The following SETD5 variants were observed in gnomAD, a reference collection of about 807,000 sequenced individuals.
SETD5 encodes histone-lysine N-methyltransferase SETD5.
SETD5 carries 44 observed loss-of-function variants against 153.3 expected under a neutral mutation model. The ratio of observed to expected loss-of-function variants is 0.29; its 90% confidence interval spans 0.23 to 0.37. The LOEUF is 0.37. Among genes scored for constraint, SETD5 ranks in the 10% least tolerant of loss-of-function variants. SETD5 has a pLI of 1.00. For missense variants in SETD5, 1,544 were observed against 1,768.0 expected (o/e 0.87, Z 2.27); for synonymous variants, 716 against 645.2 (o/e 1.11, Z -1.66).
intron 1 of SETD5, among the ~76,000 whole-genome samples, chr3:9,402,101 A>G (rs560917355): frequency 6.6e-6 from 1 of 152,352 alleles, no homozygotes; most frequent in East Asian, 1.9e-4. Context: ...TGGAGAGAAT[A>G]TAGTTTCCTT....
At chr3:9,412,253 T>C (rs1054416152) in intron 1 of SETD5, among the ~76,000 whole-genome samples, 8 of 151,996 alleles carry the variant, frequency 5.3e-5, no homozygotes, top group African/African-American at 1.9e-4. Context: ...TAGAGTGCTA[T>C]AAGGAATTCC....
chr3:9,414,874 A>G (rs1255699132), intron 1 of SETD5, among the ~76,000 whole-genome samples: 1 of 152,088 alleles, frequency 6.6e-6, no homozygotes, highest in South Asian at 2.1e-4. Context: ...GAAATACAGT[A>G]TTCAAAAACA....
At position 9,434,899 on chromosome 3, in the gene SETD5, T is replaced by A. The variant is rs2040373450; in HGVS notation, c.388+17T>A. ...ACATATCAGGTGAGCGGAAGATGGG[T>A]TAGGTCCACAATTTGACATAAAAAT... On this transcript the variant is annotated intron_variant, in intron 6 of 22. Coordinates refer to ENST00000402198, the MANE Select transcript of SETD5 (RefSeq NM_001080517.3). This position sits in a 1 kb window ranked among gnomAD's most constrained non-coding sequence, Gnocchi z 5.6. 1.9e-6 allele frequency: 3 copies of A among 1,610,770 alleles called. No individual in the cohort carries two copies. Among genetic ancestry groups the A allele is most frequent in the Non-Finnish European group, 2.5e-6 (3 of 1,178,582 alleles).
chr3:9,468,804 G>A (rs1481203838), intron 18 of SETD5, among the ~76,000 whole-genome samples: 1 of 152,018 alleles, frequency 6.6e-6, no homozygotes, highest in Non-Finnish European at 1.5e-5. Flanking sequence ...GTTTGTGTGT[G>A]TGTGTGTTGT....
At chr3:9,446,104 G>GGTGAAACC (rs2041957528) in intron 13 of SETD5, among the ~76,000 whole-genome samples, 1 of 150,506 alleles carries the variant, frequency 6.6e-6, no homozygotes, top group Non-Finnish European at 1.5e-5. Context: ...TCGCTAACAC[G>GGTGAAACC]GTGAAACCTT....
chr3:9,473,310 A>G lies in SETD5; in HGVS notation c.3270A>G (p.Ala1090=). 1 of 1,613,996 alleles carries G rather than the reference A, an allele frequency of 6.2e-7. No homozygotes were observed. The highest frequency in any genetic ancestry group is 8.5e-7 in the Non-Finnish European group (1 of 1,179,890). The change falls in exon 20 of 23, where the codon GCA becomes GCG. Residue 1090 remains alanine (A), a synonymous_variant. Coordinates refer to ENST00000402198, the MANE Select transcript of SETD5 (RefSeq NM_001080517.3). ...ENSAGGGGDS[A]QSKSKSAGAG... ...CTGCTGGTGGGGGAGGTGACTCTGCACAGAGCAAAAGCAAGTCTGCAGGAG... is the reference window on the plus strand; with the variant it reads ...CTGCTGGTGGGGGAGGTGACTCTGCGCAGAGCAAAAGCAAGTCTGCAGGAG...
At chr3:9,408,251 T>TA (rs1478721859) in intron 1 of SETD5, among the ~76,000 whole-genome samples, 1 of 152,242 alleles carries the variant, frequency 6.6e-6, no homozygotes, top group Non-Finnish European at 1.5e-5. Context: ...TGCTGCGATT[T>TA]ATCTGTTGAC....
chr3:9,475,612 C>T lies in SETD5; in HGVS notation c.3850C>T (p.Pro1284Ser). ...YRTTALRPGN[P>S]PSHGSSESSL... ...AACTACTGCACTGAGACCTGGAAAC[C>T]CCCCCTCTCACGGTTCTTCAGAATC... The change falls in exon 23 of 23, where the codon CCC (proline) becomes TCC (serine). Residue 1284 changes from proline to serine, a missense_variant. Around this residue, in one of 9 missense-constraint regions of SETD5, gnomAD observed 302 missense variants for 277.6 expected, o/e 1.09. Transcript: ENST00000402198. 6.2e-7 allele frequency: 1 copy of T among 1,613,870 alleles called. No homozygotes were observed. Among genetic ancestry groups the T allele is most frequent in the Non-Finnish European group, 8.5e-7 (1 of 1,179,870 alleles).
chr3:9,424,249 C>T (rs939610012), intron 1 of SETD5, among the ~76,000 whole-genome samples: 1 of 152,142 alleles, frequency 6.6e-6, no homozygotes, highest in African/African-American at 2.4e-5. Context: ...CAAATAATTT[C>T]CTTCTCTACC....
intron 1 of SETD5, among the ~76,000 whole-genome samples, chr3:9,413,466 C>T (rs2036901840): frequency 6.6e-6 from 1 of 152,086 alleles, no homozygotes; most frequent in African/African-American, 2.4e-5. Context: ...CTTCTCTCTC[C>T]CCCTGACTTT....
In SETD5 at chr3:9,445,640, T is replaced by C; in HGVS notation, c.1441-17T>C. ...CTCAGAGCTTGAGTACAGCTGAATA[T>C]TGCCTCTATCTTAAAGGAAGTAGAC... On this transcript the variant is annotated splice_polypyrimidine_tract_variant and intron_variant, in intron 12 of 22. Coordinates refer to ENST00000402198, the MANE Select transcript of SETD5 (RefSeq NM_001080517.3). 6.2e-7 allele frequency: 1 copy of C among 1,603,686 alleles called. No homozygotes were observed. Among genetic ancestry groups the C allele is most frequent in the Non-Finnish European group, 8.5e-7 (1 of 1,171,194 alleles).
At chr3:9,432,385 C>G (rs1037916567) in intron 3 of SETD5, 1 of 532,508 alleles carries the variant, frequency 1.9e-6, no homozygotes, top group African/African-American at 2.1e-5. Flanking sequence ...TGACATTGCA[C>G]CACATTGAAC....
rs958425973 is a variant in SETD5 at position 9,477,993 on chromosome 3, G to A, written c.*1902G>A. On this transcript the variant is annotated 3_prime_UTR_variant, in exon 23 of 23. Transcript: ENST00000402198. Reference sequence around the variant, plus strand: ...GTGCTGTCAAGACCAGACCTCTTGGGGGGGTAGGGGCGGGGGGGTGGGGGG... The same window carrying A: ...GTGCTGTCAAGACCAGACCTCTTGGAGGGGTAGGGGCGGGGGGGTGGGGGG... 1.3e-5 allele frequency: 2 copies of A among 151,130 alleles called. No homozygotes were observed. The highest frequency in any genetic ancestry group is 6.6e-5 in the Admixed American group (1 of 15,130). 9.4% of individuals were successfully genotyped at this position (151,130 alleles called of 1,614,324 possible).
At chr3:9,447,419 A>G (rs2042143431) in intron 14 of SETD5, 112 bp downstream of exon 14, 2 of 1,406,942 alleles carry the variant, frequency 1.4e-6, no homozygotes, top group African/African-American at 2.9e-5. Flanking sequence ...ATATCACAAT[A>G]AATAAGGCCA....
chr3:9,423,063 C>T (rs1233624222), intron 1 of SETD5: 1 of 152,234 alleles, frequency 6.6e-6, no homozygotes, highest in Non-Finnish European at 1.5e-5. Context: ...CTGCTTCCGC[C>T]TCACCTGTCT....
intron 17 of SETD5, 48 bp downstream of exon 17, chr3:9,453,916 G>A (rs773194311): frequency 3.2e-5 from 46 of 1,453,360 alleles, no homozygotes; most frequent in Non-Finnish European, 4.0e-5. Context: ...ATTGTTTCAG[G>A]TCTGCATAAA....
intron 17 of SETD5, 149 bp from the exon 18 acceptor site, chr3:9,464,276 G>A: frequency 1.0e-6 from 1 of 1,004,632 alleles, no homozygotes; most frequent in Non-Finnish European, 1.4e-6. Context: ...GAGTTTCTTT[G>A]GGATTTTGGT....
chr3:9,476,038 C>G lies in SETD5; in HGVS notation c.4276C>G (p.Arg1426Gly), dbSNP rs753779109. Residue 1426 changes from arginine to glycine, a missense_variant, in exon 23 of 23, where the codon CGA becomes GGA. This residue lies in a region of SETD5 where 302 missense variants were observed against 277.6 expected (regional missense o/e 1.09). Transcript: ENST00000402198. ...HRGSGGVHQY[R>G]LQPLQGSGVK... ...TGGGAGTGGGGGTGTGCACCAGTACCGACTCCAGCCACTGCAAGGGTCAGG... is the reference window on the plus strand; with the variant it reads ...TGGGAGTGGGGGTGTGCACCAGTACGGACTCCAGCCACTGCAAGGGTCAGG... 1 of 1,613,768 alleles carries G rather than the reference C, an allele frequency of 6.2e-7. No homozygotes were observed. The highest frequency in any genetic ancestry group is 1.1e-5 in the South Asian group (1 of 91,070).
intron 3 of SETD5, chr3:9,431,176 G>A: frequency 2.0e-6 from 2 of 985,386 alleles, no homozygotes; most frequent in Non-Finnish European, 2.4e-6. Context: ...GTGTGTGTTT[G>A]TAGGAAAATT....
Sources: gnomAD v4.1 joint callset for allele counts (sites outside exome capture counted in the v4.1 genomes callset) on GRCh38, gnomAD v4.1.1 for gene constraint, gnomAD v4.1.1 regional missense constraint, Gnocchi (gnomAD v3.1) non-coding constraint, MANE v1.5 for transcripts, NCBI Gene and HGNC (gene_info 2026-07-23, HGNC 2026-07-21) for gene names.